The following FSTL4 variants were observed in gnomAD, a reference collection of about 807,000 sequenced individuals.
The protein encoded by FSTL4 is follistatin-related protein 4.
FSTL4 carries 28 observed loss-of-function variants against 78.2 expected under a neutral mutation model. The observed-to-expected ratio is 0.36, with a 90% CI of 0.27 to 0.49. FSTL4 has a LOEUF of 0.49. Ranked by LOEUF, FSTL4 falls within the 20% of genes least tolerant of loss-of-function variation. The pLI is 0.98. For missense variants in FSTL4, 922 were observed against 1,084.9 expected (o/e 0.85, Z 2.11); for synonymous variants, 422 against 440.5 (o/e 0.96, Z 0.53).
intron 6 of FSTL4, among the ~76,000 whole-genome samples, chr5:133,266,864 C>A (rs1023602938): frequency 1.3e-5 from 2 of 152,218 alleles, no homozygotes; most frequent in African/African-American, 4.8e-5. Context: ...CAGCTTCCCC[C>A]TTGTGGGCTC....
intron 4 of FSTL4, among the ~76,000 whole-genome samples, chr5:133,332,877 G>A (rs17627493): frequency 0.015 from 2,287 of 152,310 alleles, 22 homozygotes; most frequent in Non-Finnish European, 0.024. Flanking sequence ...TCTGGTAAGA[G>A]TTTCACAAGG....
At chr5:133,594,217 G>A (rs957401396) in intron 2 of FSTL4, among the ~76,000 whole-genome samples, 1 of 144,332 alleles carries the variant, frequency 6.9e-6, no homozygotes, top group African/African-American at 2.5e-5. Flanking sequence ...TATTGAGACA[G>A]TCTCACTCTG....
At chr5:133,264,709 G>C (rs1752606272) in intron 6 of FSTL4, among the ~76,000 whole-genome samples, 1 of 152,194 alleles carries the variant, frequency 6.6e-6, no homozygotes, top group African/African-American at 2.4e-5. Flanking sequence ...GTCTTGGGTA[G>C]GTTCTTTAAA....
chr5:133,701,239 C>A, the FSTL4 span, among the ~76,000 whole-genome samples: 1 of 151,404 alleles, frequency 6.6e-6, no homozygotes, highest in Non-Finnish European at 1.5e-5. Flanking sequence ...CCCGTCTCTA[C>A]TAAAAATACA....
At chr5:133,660,645 C>T in the FSTL4 span, among the ~76,000 whole-genome samples, 1 of 152,212 alleles carries the variant, frequency 6.6e-6, no homozygotes. Flanking sequence ...CTGTCCCTCT[C>T]CCCAGCCTGT....
At chr5:133,736,883 C>G in the FSTL4 span, among the ~76,000 whole-genome samples, 1 of 152,066 alleles carries the variant, frequency 6.6e-6, no homozygotes, top group Non-Finnish European at 1.5e-5. Context: ...GAGACGTGTG[C>G]ATTCTAAAGC....
intron 3 of FSTL4, among the ~76,000 whole-genome samples, chr5:133,435,206 T>C (rs1241393600): frequency 2.6e-5 from 4 of 152,214 alleles, no homozygotes; most frequent in Non-Finnish European, 5.9e-5. Context: ...TTTGAGGTCT[T>C]TTATGATTTT....
the FSTL4 span, among the ~76,000 whole-genome samples, chr5:133,749,016 TGGTGCCTCGG>T: frequency 6.6e-6 from 1 of 152,120 alleles, no homozygotes; most frequent in Non-Finnish European, 1.5e-5. Flanking sequence ...ATAGGACAAT[TGGTGCCTCGG>T]GCAGGAGGAC....
At chr5:133,271,520 T>C (rs999040649) in intron 6 of FSTL4, among the ~76,000 whole-genome samples, 2 of 152,144 alleles carry the variant, frequency 1.3e-5, no homozygotes, top group Non-Finnish European at 2.9e-5. Flanking sequence ...GTGGCTAGCC[T>C]TTCCTGCCCC....
chr5:133,641,127 C>A, the FSTL4 span, among the ~76,000 whole-genome samples: 1 of 152,154 alleles, frequency 6.6e-6, no homozygotes, highest in Non-Finnish European at 1.5e-5. Context: ...TATGCAGCAG[C>A]CCTGCTGCTG....
the FSTL4 span, among the ~76,000 whole-genome samples, chr5:133,781,397 GT>G: frequency 4.4e-3 from 652 of 147,562 alleles, 2 homozygotes; most frequent in African/African-American, 0.016. Flanking sequence ...GTGTGTGTGT[GT>G]GTGTGTGTGT....
the FSTL4 span, among the ~76,000 whole-genome samples, chr5:133,684,115 G>A: frequency 6.6e-6 from 1 of 152,354 alleles, no homozygotes; most frequent in Admixed American, 6.5e-5. Flanking sequence ...AGAGAGAGAA[G>A]TGATGCTACT....
the FSTL4 span, among the ~76,000 whole-genome samples, chr5:133,825,155 A>T: frequency 1.3e-5 from 2 of 152,134 alleles, no homozygotes; most frequent in Non-Finnish European, 2.9e-5. Context: ...CAGGAGTCAA[A>T]ACCAGTTAAA....
At chr5:133,752,787 C>T in the FSTL4 span, among the ~76,000 whole-genome samples, 1 of 152,252 alleles carries the variant, frequency 6.6e-6, no homozygotes, top group Admixed American at 6.5e-5. Flanking sequence ...AGGGTCAGTG[C>T]TGCCAGCACA....
intron 13 of FSTL4, chr5:133,211,074 T>C (rs1204374830): frequency 6.6e-6 from 1 of 152,268 alleles, no homozygotes; most frequent in Admixed American, 6.5e-5. Context: ...TTTGTTCTAC[T>C]CTGGGCAGTT....
the FSTL4 span, among the ~76,000 whole-genome samples, chr5:133,783,571 T>C: frequency 2.0e-5 from 3 of 152,206 alleles, no homozygotes; most frequent in African/African-American, 4.8e-5. Context: ...TCATCTGAGC[T>C]CCAGGCAATA....
chr5:133,782,048 A>G, the FSTL4 span, among the ~76,000 whole-genome samples: 1 of 152,376 alleles, frequency 6.6e-6, no homozygotes, highest in Non-Finnish European at 1.5e-5. Context: ...TGTGGAAAAC[A>G]GCAAACTCAG....
intron 7 of FSTL4, among the ~76,000 whole-genome samples, chr5:133,238,554 C>CATGG (rs1751730874): frequency 6.6e-6 from 1 of 152,242 alleles, no homozygotes; most frequent in Admixed American, 6.5e-5. Context: ...CAGGCATCCA[C>CATGG]ATGGACACAT....
intron 6 of FSTL4, among the ~76,000 whole-genome samples, chr5:133,311,181 G>A (rs1753772362): frequency 6.6e-6 from 1 of 152,186 alleles, no homozygotes; most frequent in Admixed American, 6.5e-5. Context: ...CATGAACCAG[G>A]TGTGGGGAGT....
Sources: allele counts gnomAD v4.1 joint callset (sites outside exome capture counted in the v4.1 genomes callset), GRCh38; gene constraint gnomAD v4.1.1; transcripts MANE v1.5; gene names NCBI Gene and HGNC (gene_info 2026-07-23, HGNC 2026-07-21).